GRIA1: variants seen among roughly 807,000 people sequenced by gnomAD.
GRIA1 encodes glutamate receptor 1.
A neutral mutation model predicts 99.2 loss-of-function variants in GRIA1; 31 were observed. The observed-to-expected ratio is 0.31, with a 90% CI of 0.23 to 0.42. The LOEUF is 0.42. Ranked by LOEUF, GRIA1 falls within the 10% of genes least tolerant of loss-of-function variation. The probability of loss-of-function intolerance (pLI) is 1.00; values close to 1 mark genes in which losing one functional copy is unlikely to be tolerated. For missense variants in GRIA1, 782 were observed against 1,157.5 expected (o/e 0.68, Z 4.71); for synonymous variants, 438 against 432.4 (o/e 1.01, Z -0.16).
intron 2 of GRIA1, among the ~76,000 whole-genome samples, chr5:153,511,102 T>A (rs1756024359): frequency 6.6e-6 from 1 of 152,236 alleles, no homozygotes. Context: ...AGTCCCTCTG[T>A]AGCCCACAGA....
At chr5:153,654,948 T>C (rs1754833033) in intron 4 of GRIA1, among the ~76,000 whole-genome samples, 1 of 152,212 alleles carries the variant, frequency 6.6e-6, no homozygotes, top group African/African-American at 2.4e-5. Flanking sequence ...GGGCAGTTCT[T>C]TCCACAAATA....
intron 2 of GRIA1, among the ~76,000 whole-genome samples, chr5:153,600,960 A>G (rs751705436): frequency 7.9e-5 from 12 of 152,194 alleles, no homozygotes; most frequent in Non-Finnish European, 1.6e-4. Context: ...GGAAGGTGGA[A>G]GTCTGAGCTG....
chr5:153,656,061 T>C (rs1754922684), intron 5 of GRIA1, among the ~76,000 whole-genome samples, 189 bp downstream of exon 5: 1 of 152,130 alleles, frequency 6.6e-6, no homozygotes, highest in African/African-American at 2.4e-5. Context: ...AACACACTAT[T>C]CATGAACCTC....
chr5:153,508,521 AG>A (rs1411871605), intron 2 of GRIA1, among the ~76,000 whole-genome samples: 19 of 152,172 alleles, frequency 1.2e-4, no homozygotes, highest in Admixed American at 3.3e-4. Context: ...AAAGAAGGCC[AG>A]TGGAGCTAAA....
At chr5:153,734,103 T>C (rs4958350) in intron 11 of GRIA1, among the ~76,000 whole-genome samples, 150,333 of 152,308 alleles carry the variant, frequency 0.99, 74,219 homozygotes, top group Middle Eastern at 1. Context: ...ATGATGCCTA[T>C]GCATTTCCCT....
chr5:153,781,439 A>G (rs2964025), intron 13 of GRIA1, among the ~76,000 whole-genome samples: 110,356 of 151,920 alleles, frequency 0.73, 40,664 homozygotes, highest in East Asian at 0.96. Flanking sequence ...CTGTATCTTC[A>G]CTTGTATTGC....
intron 4 of GRIA1, among the ~76,000 whole-genome samples, chr5:153,652,980 T>C (rs1754684475): frequency 1.3e-5 from 2 of 152,088 alleles, no homozygotes. Context: ...ATTTTCCACC[T>C]AATCTGAGGA....
chr5:153,744,474 G>A (rs1762020690), intron 11 of GRIA1, among the ~76,000 whole-genome samples: 1 of 152,154 alleles, frequency 6.6e-6, no homozygotes, highest in South Asian at 2.1e-4. Context: ...TATTCACTCA[G>A]AATAAATGAT....
At chr5:153,682,235 TC>T (rs1439375903) in intron 7 of GRIA1, among the ~76,000 whole-genome samples, 2 of 152,016 alleles carry the variant, frequency 1.3e-5, no homozygotes, top group African/African-American at 4.8e-5. Context: ...CCAGTGAGCA[TC>T]CAGGAGGAAG....
At chr5:153,787,663 C>T (rs1765047452) in intron 13 of GRIA1, among the ~76,000 whole-genome samples, 1 of 152,156 alleles carries the variant, frequency 6.6e-6, no homozygotes, top group Admixed American at 6.5e-5. Context: ...TATATGAATG[C>T]TTTACAAAAT....
At chr5:153,646,202 G>T (rs1438285890) in intron 2 of GRIA1, among the ~76,000 whole-genome samples, 2 of 152,168 alleles carry the variant, frequency 1.3e-5, no homozygotes, top group African/African-American at 4.8e-5. Flanking sequence ...TATTACTATG[G>T]CTGATACACT....
At chr5:153,587,761 T>C (rs1763619274) in intron 2 of GRIA1, among the ~76,000 whole-genome samples, 1 of 152,188 alleles carries the variant, frequency 6.6e-6, no homozygotes, top group South Asian at 2.1e-4. Context: ...GCTCAGGGAA[T>C]ACAATGATAA....
rs564946226 is a variant in GRIA1, at chr5:153,666,216, C to T, written c.700-8284C>T. 5.9e-4 allele frequency among the ~76,000 whole-genome samples: 90 copies of T among 152,280 alleles called. 1 individual carries two copies. Among genetic ancestry groups the T allele is most frequent in the African/African-American group, 2.1e-3 (88 of 41,550 alleles). On this transcript the variant is annotated intron_variant, in intron 5 of 15. Coordinates refer to ENST00000285900, the MANE Select transcript of GRIA1 (RefSeq NM_000827.4). ...AACTTTCTGTTCCTTCATTCCTCCA[C>T]ATGTATTGAGCATGCACCCTGATCC... is the stretch of plus-strand genomic sequence containing the variant.
chr5:153,781,020 C>A (rs1482543819), intron 13 of GRIA1, among the ~76,000 whole-genome samples: 1 of 152,126 alleles, frequency 6.6e-6, no homozygotes. Flanking sequence ...TAAGGGGTAG[C>A]CCTGAGCTGA....
intron 2 of GRIA1, among the ~76,000 whole-genome samples, chr5:153,610,886 G>A (rs1320873590): frequency 1.3e-5 from 2 of 152,150 alleles, no homozygotes; most frequent in South Asian, 2.1e-4. Context: ...TGCTCAACAC[G>A]TTTATCGTGT....
chr5:153,558,372 T>A (rs1021215652), intron 2 of GRIA1, among the ~76,000 whole-genome samples: 8 of 152,194 alleles, frequency 5.3e-5, no homozygotes, highest in Admixed American at 4.6e-4. Context: ...AAAGGTTTTT[T>A]AAGCACATTT....
At chr5:153,581,163 T>C (rs1329060399) in intron 2 of GRIA1, among the ~76,000 whole-genome samples, 1 of 152,240 alleles carries the variant, frequency 6.6e-6, no homozygotes, top group Non-Finnish European at 1.5e-5. Flanking sequence ...AACACAGTAT[T>C]GTATTTAGTT....
At chr5:153,757,781 C>T (rs1284764276) in intron 11 of GRIA1, among the ~76,000 whole-genome samples, 1 of 152,172 alleles carries the variant, frequency 6.6e-6, no homozygotes, top group Admixed American at 6.5e-5. Context: ...CACCATCAGA[C>T]AGTCTTACTA....
chr5:153,774,742 G>A (rs573472217), intron 13 of GRIA1, among the ~76,000 whole-genome samples: 10 of 152,338 alleles, frequency 6.6e-5, no homozygotes, highest in African/African-American at 2.2e-4. Context: ...CAGAAGATCA[G>A]ATAACTGACA....
Sources: allele counts gnomAD v4.1 joint callset (sites outside exome capture counted in the v4.1 genomes callset), GRCh38; gene constraint gnomAD v4.1.1; transcripts MANE v1.5; gene names NCBI Gene and HGNC (gene_info 2026-07-23, HGNC 2026-07-21).